The following HECW1 variants were observed in gnomAD, a reference collection of about 807,000 sequenced individuals.
HECW1 encodes HECT, C2 and WW domain containing E3 ubiquitin protein ligase 1, also known as E3 ubiquitin-protein ligase HECW1.
In HECW1, 61 loss-of-function variants were observed where a neutral mutation model predicts 182.3. The observed-to-expected ratio is 0.33, with a 90% confidence interval of 0.27 to 0.41. The LOEUF (loss-of-function observed/expected upper bound fraction) is 0.41. Among genes scored for constraint, HECW1 ranks in the 10% least tolerant of loss-of-function variants. The pLI is 1.00. For missense variants in HECW1, 1,739 were observed against 2,108.9 expected (o/e 0.82, Z 3.44); for synonymous variants, 859 against 832.6 (o/e 1.03, Z -0.55).
Position 43,340,788 on chromosome 7 carries a change from A to T in HECW1, c.460+20046A>T, listed in dbSNP as rs141777204. ...GATCTAGAACTAGAAATACCATTTG[A>T]TCCCCTGATCCCATTACTGGGTATA... is the stretch of plus-strand genomic sequence containing the variant. On this transcript the variant is annotated intron_variant, in intron 5 of 29. Coordinates refer to ENST00000395891, the MANE Select transcript of HECW1 (RefSeq NM_015052.5). Among the ~76,000 whole-genome samples, 543 of 151,646 alleles carry T rather than the reference A, an allele frequency of 3.6e-3. 3 individuals are homozygous for T. Among genetic ancestry groups the T allele is most frequent in the Non-Finnish European group, 5.5e-3 (375 of 67,994 alleles).
chr7:43,428,799 A>T lies in HECW1; in HGVS notation c.802-9204A>T, dbSNP rs531900451. Among the ~76,000 whole-genome samples, 18 of 152,242 alleles carry T rather than the reference A, an allele frequency of 1.2e-4. No individual in the cohort carries two copies. In the South Asian group the frequency reaches 3.7e-3, roughly 32 times the overall value. On this transcript the variant is annotated intron_variant, in intron 8 of 29. Transcript: ENST00000395891. ...TACATTGCTTATGATCACACAGCAG[A>T]TTTTGTTCTTAGCTTCCAGTCTGTT...
intron 8 of HECW1, among the ~76,000 whole-genome samples, chr7:43,414,063 G>A (rs1482243189): frequency 6.6e-6 from 1 of 151,628 alleles, no homozygotes; most frequent in Non-Finnish European, 1.5e-5. Context: ...CCATTTTCAC[G>A]ATATTGATTC....
At chr7:43,229,563 A>C (rs1419348012) in intron 2 of HECW1, among the ~76,000 whole-genome samples, 1 of 152,130 alleles carries the variant, frequency 6.6e-6, no homozygotes, top group South Asian at 2.1e-4. Flanking sequence ...AATCTGTACC[A>C]CAATCCCCTG....
chr7:43,337,710 G>A (rs1438694686), intron 5 of HECW1, among the ~76,000 whole-genome samples: 1 of 152,170 alleles, frequency 6.6e-6, no homozygotes, highest in Non-Finnish European at 1.5e-5. Context: ...CAACTCAGCC[G>A]AATAGCCAAG....
intron 8 of HECW1, among the ~76,000 whole-genome samples, chr7:43,409,554 G>A (rs972026645): frequency 1.3e-5 from 2 of 152,206 alleles, no homozygotes; most frequent in East Asian, 3.8e-4. Flanking sequence ...GTTCTGAAAT[G>A]ATTTCTGAAG....
At chr7:43,140,096 A>T (rs1223774873) in intron 2 of HECW1, among the ~76,000 whole-genome samples, 4 of 150,080 alleles carry the variant, frequency 2.7e-5, no homozygotes, top group African/African-American at 9.9e-5. Flanking sequence ...ATTTATACTT[A>T]TTTAATATTT....
At chr7:43,174,042 T>C (rs1028276354) in intron 2 of HECW1, among the ~76,000 whole-genome samples, 5 of 152,108 alleles carry the variant, frequency 3.3e-5, no homozygotes, top group African/African-American at 1.2e-4. Flanking sequence ...TGTCTTGCTT[T>C]TTTGGCCAGG....
intron 5 of HECW1, among the ~76,000 whole-genome samples, chr7:43,348,680 C>T (rs1251797917): frequency 6.6e-6 from 1 of 152,168 alleles, no homozygotes; most frequent in African/African-American, 2.4e-5. Context: ...ACCACCTTTG[C>T]TGTATCCCAG....
chr7:43,527,561 T>C (rs917817017), intron 24 of HECW1, among the ~76,000 whole-genome samples: 23 of 152,194 alleles, frequency 1.5e-4, no homozygotes, highest in African/African-American at 4.6e-4. Context: ...TCCAAGATCA[T>C]CTTATCTTGA....
intron 2 of HECW1, among the ~76,000 whole-genome samples, chr7:43,132,131 C>T (rs976644252): frequency 6.6e-6 from 1 of 152,204 alleles, no homozygotes; most frequent in African/African-American, 2.4e-5. Context: ...ATTCTCTGTA[C>T]TGGGACTTTG....
Position 43,450,785 on chromosome 7 carries a change from C to T in HECW1, c.2399-43C>T, listed in dbSNP as rs143926051. The T allele has an allele frequency of 4.0e-5, 49 of 1,231,284 alleles. 1 individual carries two copies. The highest frequency in any genetic ancestry group is 2.1e-4 in the East Asian group (9 of 43,176). The allele number at this position is 1,231,284 out of a possible 1,614,324, so 76.3% of individuals were successfully genotyped here. On this transcript the variant is annotated intron_variant, in intron 11 of 29. Transcript: ENST00000395891. ...TCATGCTTTTTTGATGATGTTGCCA[C>T]GGCAGTGAATGAATCTGAATGTATT... is the stretch of plus-strand genomic sequence containing the variant.
chr7:43,340,374 T>C (rs1358124169), intron 5 of HECW1, among the ~76,000 whole-genome samples: 1 of 151,002 alleles, frequency 6.6e-6, no homozygotes, highest in Non-Finnish European at 1.5e-5. Context: ...TCGCCAGCCA[T>C]CACGCCCAGC....
chr7:43,228,603 T>C (rs564738981), intron 2 of HECW1, among the ~76,000 whole-genome samples: 103 of 152,374 alleles, frequency 6.8e-4, no homozygotes, highest in African/African-American at 2.4e-3. Flanking sequence ...TTCACTTGGC[T>C]ATGTATTCAT....
intron 11 of HECW1, among the ~76,000 whole-genome samples, chr7:43,446,078 A>T (rs1317972898): frequency 6.6e-6 from 1 of 152,258 alleles, no homozygotes; most frequent in Non-Finnish European, 1.5e-5. Context: ...ATGTACGTAC[A>T]TATAGATATG....
intron 3 of HECW1, among the ~76,000 whole-genome samples, chr7:43,253,519 A>G (rs1050650852): frequency 2.0e-5 from 3 of 152,220 alleles, no homozygotes; most frequent in Non-Finnish European, 4.4e-5. Flanking sequence ...TTATTTTATT[A>G]TGGCTGCTGA....
At chr7:43,412,324 A>C (rs879315073) in intron 8 of HECW1, among the ~76,000 whole-genome samples, 57 of 152,042 alleles carry the variant, frequency 3.7e-4, no homozygotes, top group Non-Finnish European at 6.9e-4. Context: ...CGATGTTAAA[A>C]ATTTTTGCTT....
chr7:43,327,145 G>A (rs931112624), intron 5 of HECW1, among the ~76,000 whole-genome samples: 10 of 152,026 alleles, frequency 6.6e-5, no homozygotes, highest in Non-Finnish European at 7.4e-5. Flanking sequence ...GGCCATAGGC[G>A]CTAAGCCCTT....
intron 3 of HECW1, among the ~76,000 whole-genome samples, chr7:43,303,320 CAA>C (rs1390009212): frequency 6.6e-6 from 1 of 150,708 alleles, no homozygotes; most frequent in African/African-American, 2.4e-5. Context: ...CGACAAGGAG[CAA>C]AGACCACCCC....
chr7:43,463,747 A>T lies in HECW1; in HGVS notation c.2739A>T (p.Gly913=). The T allele has an allele frequency of 8.7e-6, 14 of 1,613,934 alleles. No homozygotes were observed. The highest frequency in any genetic ancestry group is 1.2e-5 in the Non-Finnish European group (14 of 1,179,950). The change falls in exon 14 of 30, where the codon GGA becomes GGT. Residue 913 remains glycine, a synonymous_variant. Coordinates refer to ENST00000395891, the MANE Select transcript of HECW1 (RefSeq NM_015052.5). The stretch of plus-strand genomic sequence containing the variant: ...GCTGCGAGCAAGCCCCAGCAGGAGG[A>T]GGCGGAGGTGGAGGGAGTGACTCAG... ...SQSCEQAPAG[G]GGGGGSDSEA...
Sources: allele counts gnomAD v4.1 joint callset (sites outside exome capture counted in the v4.1 genomes callset), GRCh38; gene constraint gnomAD v4.1.1; transcripts MANE v1.5; gene names NCBI Gene and HGNC (gene_info 2026-07-23, HGNC 2026-07-21).